The following INTS13 variants were observed in gnomAD, a reference collection of about 807,000 sequenced individuals.
INTS13 encodes the protein asunder, spermatogenesis regulator homolog (Drosphila).
In INTS13, 35 loss-of-function variants were observed where a neutral mutation model predicts 90.2. The ratio of observed to expected loss-of-function variants is 0.39; its 90% CI spans 0.30 to 0.51. The LOEUF (loss-of-function observed/expected upper bound fraction) is 0.51. INTS13 is among the 20% of genes least tolerant of loss of function. The pLI is 0.80. For missense variants in INTS13, 601 were observed against 851.2 expected (o/e 0.71, Z 3.66); for synonymous variants, 309 against 277.1 (o/e 1.11, Z -1.14).
At chr12:26,921,051 T>G (rs1952106237) in intron 8 of INTS13, among the ~76,000 whole-genome samples, 1 of 152,240 alleles carries the variant, frequency 6.6e-6, no homozygotes, top group Non-Finnish European at 1.5e-5. Flanking sequence ...CATCTTAAAA[T>G]TTTCATTGTA....
intron 15 of INTS13, 36 bp from the exon 16 acceptor site, chr12:26,906,473 A>G: frequency 1.3e-6 from 2 of 1,573,070 alleles, no homozygotes; most frequent in East Asian, 2.2e-5. Flanking sequence ...GAAAAAAAAG[A>G]TAGAATAATT....
In INTS13 at chr12:26,936,601, T is replaced by C. The variant is rs1358379337; in HGVS notation, c.203A>G (p.Asp68Gly). The change falls in exon 2 of 17, where the codon GAT (aspartate) becomes GGT (glycine). Residue 68 changes from aspartate to glycine, a missense_variant. Transcript: ENST00000261191. ...SSMEYCRIMY[D>G]IFPFKKLVNF... ...CACCAGCTTTTTGAAAGGAAATATA[T>C]CATACATTATTCTACAATATTCCAT... The C allele has an allele frequency of 1.9e-6, 3 of 1,610,870 alleles. No homozygotes were observed. The highest frequency in any genetic ancestry group is 2.5e-6 in the Non-Finnish European group (3 of 1,177,112).
At chr12:26,925,888 CAT>C in intron 5 of INTS13, 37 bp from the exon 6 acceptor site, 1 of 1,427,648 alleles carries the variant, frequency 7.0e-7, no homozygotes, top group Non-Finnish European at 9.9e-7. Flanking sequence ...TTTAAGAATA[CAT>C]AGTATGTAAA....
chr12:26,932,197 T>A (rs2136315011), intron 3 of INTS13, among the ~76,000 whole-genome samples: 1 of 150,900 alleles, frequency 6.6e-6, no homozygotes, highest in South Asian at 2.1e-4. Context: ...TCAACAAGAA[T>A]ATATAAAAAT....
chr12:26,919,468 T>C (rs1952043724), intron 8 of INTS13, among the ~76,000 whole-genome samples: 1 of 152,126 alleles, frequency 6.6e-6, no homozygotes, highest in Non-Finnish European at 1.5e-5. Context: ...ATTAGCATTC[T>C]GAAAGTTACT....
intron 7 of INTS13, among the ~76,000 whole-genome samples, chr12:26,923,862 C>T (rs4262804): frequency 6.6e-6 from 1 of 151,878 alleles, no homozygotes; most frequent in Non-Finnish European, 1.5e-5. Flanking sequence ...ACAAAGTAAG[C>T]AAAATCTAAT....
chr12:26,918,914 A>G, intron 8 of INTS13: 1 of 193,066 alleles, frequency 5.2e-6, no homozygotes, highest in South Asian at 6.6e-5. Context: ...CACATCTAAA[A>G]TCTCAGTGCT....
At chr12:26,930,089 C>T (rs1938109603) in intron 3 of INTS13, among the ~76,000 whole-genome samples, 1 of 152,006 alleles carries the variant, frequency 6.6e-6, no homozygotes, top group African/African-American at 2.4e-5. Flanking sequence ...AAATAAAATA[C>T]TTAGAAATAA....
intron 5 of INTS13, 89 bp from the exon 6 acceptor site, chr12:26,925,940 A>C: frequency 1.2e-6 from 1 of 868,420 alleles, no homozygotes; most frequent in Non-Finnish European, 1.8e-6. Context: ...TAACATATTA[A>C]AACATCATAT....
At chr12:26,910,661 T>C (rs1212487620) in intron 15 of INTS13, among the ~76,000 whole-genome samples, 13 of 152,172 alleles carry the variant, frequency 8.5e-5, no homozygotes, top group African/African-American at 3.1e-4. Context: ...ATTAAACCTC[T>C]TTCCTTTAAA....
At chr12:26,911,063 G>A (rs1951760605) in intron 15 of INTS13, 115 bp downstream of exon 15, 1 of 1,164,838 alleles carries the variant, frequency 8.6e-7, no homozygotes, top group Non-Finnish European at 1.2e-6. Context: ...TTGAATTCCT[G>A]ACCTCAGGTG....
intron 11 of INTS13, 109 bp downstream of exon 11, chr12:26,915,893 T>G: frequency 1.4e-6 from 1 of 720,158 alleles, no homozygotes; most frequent in East Asian, 2.8e-5. Flanking sequence ...AATCAACTTC[T>G]TCCAGTCTCT....
Position 26,910,222 on chromosome 12 carries a change from G to C in INTS13, c.1945+956C>G, listed in dbSNP as rs531548768. On this transcript the variant is annotated intron_variant, in intron 15 of 16. Coordinates refer to ENST00000261191, the MANE Select transcript of INTS13 (RefSeq NM_018164.3). ...TATTACATATTTCTAGGTTTCGTAA[G>C]AGTTTAGGGTCAAAAGAGTTTGTAT... is the stretch of plus-strand genomic sequence containing the variant. Among the ~76,000 whole-genome samples the C allele has an allele frequency of 3.3e-5, 5 of 152,282 alleles. No homozygotes were observed. The South Asian group carries it at 1.0e-3, about 32-fold the overall frequency.
intron 6 of INTS13, among the ~76,000 whole-genome samples, chr12:26,924,751 C>T (rs1937774281): frequency 6.6e-6 from 1 of 152,112 alleles, no homozygotes; most frequent in South Asian, 2.1e-4. Context: ...TAATCCCTGT[C>T]CTCCTGAAAT....
intron 8 of INTS13, among the ~76,000 whole-genome samples, chr12:26,921,186 T>C (rs1952109004): frequency 6.6e-6 from 1 of 152,190 alleles, no homozygotes; most frequent in Non-Finnish European, 1.5e-5. Flanking sequence ...CTAAAACTTA[T>C]CTCCTAACTC....
chr12:26,906,329 A>C lies in INTS13; in HGVS notation c.2054T>G (p.Leu685Arg). The C allele has an allele frequency of 1.2e-6, 2 of 1,606,980 alleles. No homozygotes were observed. Among genetic ancestry groups the C allele is most frequent in the Non-Finnish European group, 1.7e-6 (2 of 1,177,948 alleles). The change falls in exon 16 of 17, where the codon CTA (leucine) becomes CGA (arginine). Residue 685 changes from leucine (L) to arginine (R), a missense_variant. Physicochemically the swap from Leu to Arg is moderately radical, Grantham distance 102. Around this residue, in one of 3 missense-constraint regions of INTS13, gnomAD observed 228 missense variants for 272.5 expected, o/e 0.84. Coordinates refer to ENST00000261191, the MANE Select transcript of INTS13 (RefSeq NM_018164.3). ...ATTTTCCTCTTTAAGATGTTGATAT[A>C]GTTCAGCTCTGTTATTAACAGAGTT... ...RLNSVNNRAE[L>R]YQHLKEENGM...
At chr12:26,929,838 G>A (rs1326293273) in intron 3 of INTS13, among the ~76,000 whole-genome samples, 1 of 151,530 alleles carries the variant, frequency 6.6e-6, no homozygotes, top group Non-Finnish European at 1.5e-5. Context: ...GGAAGGAAGA[G>A]AGAGAGAGAG....
At chr12:26,932,725 C>T (rs1256141795) in intron 3 of INTS13, among the ~76,000 whole-genome samples, 1 of 152,128 alleles carries the variant, frequency 6.6e-6, no homozygotes, top group Non-Finnish European at 1.5e-5. Context: ...TCTCCCGTCT[C>T]CCAGAGAGCT....
chr12:26,932,103 A>AC (rs900441340), intron 3 of INTS13, among the ~76,000 whole-genome samples: 29 of 150,822 alleles, frequency 1.9e-4, no homozygotes, highest in Non-Finnish European at 2.5e-4. Context: ...AAAAAAAAAA[A>AC]AACACTCATA....
Sources: allele counts gnomAD v4.1 joint callset (sites outside exome capture counted in the v4.1 genomes callset), GRCh38; gene constraint gnomAD v4.1.1; regional missense constraint gnomAD v4.1.1; transcripts MANE v1.5; gene names NCBI Gene and HGNC (gene_info 2026-07-23, HGNC 2026-07-21).